CCDC170: variants seen among roughly 807,000 people sequenced by gnomAD.
CCDC170 encodes coiled-coil domain containing 170.
A neutral mutation model predicts 72.6 loss-of-function variants in CCDC170; 69 were observed. That is an observed-to-expected ratio of 0.95 (90% CI 0.78 to 1.16). CCDC170 has a LOEUF of 1.16. Among genes scored for constraint, CCDC170 ranks in the 50% most tolerant of loss-of-function variants. CCDC170 has a pLI of 0.00. For synonymous variants in CCDC170, 300 were observed against 303.9 expected, an observed-to-expected ratio of 0.99 and a Z score of 0.13; for missense variants, 852 against 832.5, an observed-to-expected ratio of 1.02 and a Z score of -0.29.
rs535582380 is a variant in CCDC170 at position 151,550,841 on chromosome 6, C to G, written c.774+2352C>G. On this transcript the variant is annotated intron_variant, in intron 5 of 10. Transcript: ENST00000239374. Reference sequence around the variant, plus strand: ...TTCCTTCTAAGGGCACTAATCCCATCGTGAGGTCCCCACCCTCAAAACTTC... The same window carrying G: ...TTCCTTCTAAGGGCACTAATCCCATGGTGAGGTCCCCACCCTCAAAACTTC... 4.6e-5 allele frequency among the ~76,000 whole-genome samples: 7 copies of G among 152,248 alleles called. No homozygotes were observed. In the South Asian group the frequency reaches 8.3e-4, roughly 18 times the overall value.
chr6:151,605,803 G>A (rs1776773899), intron 9 of CCDC170, among the ~76,000 whole-genome samples: 2 of 151,950 alleles, frequency 1.3e-5, no homozygotes, highest in African/African-American at 4.8e-5. Context: ...TGAGTTCTGG[G>A]CTATTGCTGG....
intron 3 of CCDC170, among the ~76,000 whole-genome samples, chr6:151,540,340 TTCCTCC>T (rs201168694): frequency 1.5e-5 from 2 of 137,314 alleles, no homozygotes; most frequent in Admixed American, 7.7e-5. Context: ...TTCCTTCCTC[TTCCTCC>T]TCCTCCTCCT....
chr6:151,587,195 C>T (rs577036398), intron 7 of CCDC170, among the ~76,000 whole-genome samples: 41 of 152,028 alleles, frequency 2.7e-4, no homozygotes, highest in African/African-American at 9.2e-4. Context: ...GAGAGTTAGA[C>T]GGGAAGAGAA....
intron 1 of CCDC170, among the ~76,000 whole-genome samples, chr6:151,529,997 A>G (rs1782472159): frequency 6.6e-6 from 1 of 152,216 alleles, no homozygotes; most frequent in Admixed American, 6.5e-5. Context: ...TACTCCCAGA[A>G]TAACAGCATC....
chr6:151,601,108 ATGGC>A, intron 9 of CCDC170, among the ~76,000 whole-genome samples: 1 of 152,294 alleles, frequency 6.6e-6, no homozygotes, highest in African/African-American at 2.4e-5. Context: ...ACAGTTCCAC[ATGGC>A]TGGGAAGGCC....
At chr6:151,543,742 T>C (rs762024485) in intron 3 of CCDC170, among the ~76,000 whole-genome samples, 6 of 152,198 alleles carry the variant, frequency 3.9e-5, no homozygotes, top group Admixed American at 2.0e-4. Flanking sequence ...TGTACTTGAC[T>C]TATTTTGCTT....
intron 1 of CCDC170, among the ~76,000 whole-genome samples, chr6:151,506,000 T>C (rs1782061861): frequency 6.6e-6 from 1 of 151,896 alleles, no homozygotes; most frequent in Non-Finnish European, 1.5e-5. Context: ...ACTCAGGAGG[T>C]TGGGGCAGGA....
intron 1 of CCDC170, among the ~76,000 whole-genome samples, chr6:151,533,490 A>G (rs1045087665): frequency 1.3e-5 from 2 of 151,812 alleles, no homozygotes; most frequent in African/African-American, 4.8e-5. Flanking sequence ...CAACATGGAG[A>G]AACCCCATCT....
intron 6 of CCDC170, among the ~76,000 whole-genome samples, chr6:151,585,358 C>A (rs534014858): frequency 6.6e-6 from 1 of 152,074 alleles, no homozygotes; most frequent in East Asian, 1.9e-4. Flanking sequence ...AGTCAGCATC[C>A]CTGGAGTTTA....
chr6:151,566,040 C>A (rs1776132328), intron 5 of CCDC170, among the ~76,000 whole-genome samples: 1 of 152,176 alleles, frequency 6.6e-6, no homozygotes, highest in Admixed American at 6.5e-5. Context: ...AGCCCAGGAA[C>A]ACACTGGCCT....
At position 151,612,513 on chromosome 6, in the gene CCDC170, G is replaced by A. The variant is rs1438577120; in HGVS notation, c.1711-2930G>A. The stretch of plus-strand genomic sequence containing the variant: ...CATTACATTGCTGCACAACACCAAT[G>A]CCTTCTCACAGTTCCCTCTTGCATG... On this transcript the variant is annotated intron_variant, in intron 9 of 10. Coordinates refer to ENST00000239374, the MANE Select transcript of CCDC170 (RefSeq NM_025059.4). 3.3e-5 allele frequency among the ~76,000 whole-genome samples: 5 copies of A among 152,224 alleles called. 1 individual carries two copies. The South Asian group carries it at 8.3e-4, about 25-fold the overall frequency.
chr6:151,569,573 C>T (rs932611482), intron 5 of CCDC170, among the ~76,000 whole-genome samples: 2 of 152,172 alleles, frequency 1.3e-5, no homozygotes, highest in African/African-American at 4.8e-5. Context: ...GTTTCTTGTC[C>T]TGTATGTCAG....
intron 9 of CCDC170, among the ~76,000 whole-genome samples, chr6:151,609,655 T>G (rs1583050290): frequency 6.6e-6 from 1 of 152,302 alleles, no homozygotes; most frequent in East Asian, 1.9e-4. Context: ...GGGCACAGTC[T>G]CTCGCTGAAC....
At chr6:151,550,575 G>A (rs1388528408) in intron 5 of CCDC170, among the ~76,000 whole-genome samples, 4 of 152,192 alleles carry the variant, frequency 2.6e-5, no homozygotes, top group Non-Finnish European at 4.4e-5. Context: ...AAAGTGCAAA[G>A]TTTATTATTG....
At chr6:151,552,833 C>A (rs1466184864) in intron 5 of CCDC170, among the ~76,000 whole-genome samples, 1 of 118,326 alleles carries the variant, frequency 8.5e-6, no homozygotes, top group Admixed American at 1.2e-4. Flanking sequence ...TGTCTCCAGG[C>A]TGGAGTCCAG....
At chr6:151,577,832 G>T (rs1332256668) in intron 6 of CCDC170, among the ~76,000 whole-genome samples, 2 of 152,328 alleles carry the variant, frequency 1.3e-5, no homozygotes, top group South Asian at 4.1e-4. Context: ...AACTGTGCAT[G>T]CGAGGGATCT....
intron 9 of CCDC170, among the ~76,000 whole-genome samples, chr6:151,600,704 A>G (rs1424756241): frequency 6.6e-6 from 1 of 152,186 alleles, no homozygotes; most frequent in Admixed American, 6.5e-5. Flanking sequence ...AATAATTTGA[A>G]TTACATTTCT....
At chr6:151,499,408 C>G (rs1307847175) in intron 1 of CCDC170, among the ~76,000 whole-genome samples, 1 of 148,140 alleles carries the variant, frequency 6.8e-6, no homozygotes, top group Non-Finnish European at 1.5e-5. Context: ...CTCTTCTAGG[C>G]ACGCTGTATA....
chr6:151,526,103 C>CCTTCCTTCCTTCCTTT (rs1313684643), intron 1 of CCDC170, among the ~76,000 whole-genome samples: 16 of 151,432 alleles, frequency 1.1e-4, no homozygotes, highest in African/African-American at 3.6e-4. Context: ...TTTCTTCCTT[C>CCTTCCTTCCTTCCTTT]CTTCCTTCCT....
Sources: gnomAD v4.1 joint callset for allele counts (sites outside exome capture counted in the v4.1 genomes callset) on GRCh38, gnomAD v4.1.1 for gene constraint, MANE v1.5 for transcripts, NCBI Gene and HGNC (gene_info 2026-07-23, HGNC 2026-07-21) for gene names.